NCKAP5: variants seen among roughly 807,000 people sequenced by gnomAD.
The protein encoded by NCKAP5 is NCK associated protein 5, also known as nck-associated protein 5.
In NCKAP5, 92 loss-of-function variants were observed where a neutral mutation model predicts 167.0. The ratio of observed to expected loss-of-function variants is 0.55; its 90% confidence interval spans 0.47 to 0.66. NCKAP5 has a LOEUF of 0.66. Among genes scored for constraint, NCKAP5 ranks in the 30% least tolerant of loss-of-function variants. The probability of loss-of-function intolerance (pLI) is 0.00; values close to 1 mark genes in which losing one functional copy is unlikely to be tolerated. For missense variants in NCKAP5, 2,378 were observed against 2,315.0 expected (o/e 1.03, Z -0.56); for synonymous variants, 891 against 877.4 (o/e 1.02, Z -0.27).
intron 6 of NCKAP5, among the ~76,000 whole-genome samples, chr2:133,004,826 G>A (rs1432018054): frequency 5.9e-5 from 9 of 152,196 alleles, no homozygotes; most frequent in South Asian, 4.2e-4. Flanking sequence ...ATCTTCAACC[G>A]CATAAGAGAG....
chr2:133,478,986 T>C (rs1475463375), intron 3 of NCKAP5, among the ~76,000 whole-genome samples: 1 of 152,126 alleles, frequency 6.6e-6, no homozygotes. Flanking sequence ...ATAAGTGAAA[T>C]ACCTAGATGT....
the NCKAP5 span, among the ~76,000 whole-genome samples, chr2:133,581,806 T>A: frequency 6.6e-6 from 1 of 152,240 alleles, no homozygotes; most frequent in Non-Finnish European, 1.5e-5. Flanking sequence ...CACTTTTCGT[T>A]GTAAGTATTG....
intron 8 of NCKAP5, among the ~76,000 whole-genome samples, chr2:132,935,715 G>A (rs1696791319): frequency 6.6e-6 from 1 of 152,142 alleles, no homozygotes; most frequent in Admixed American, 6.5e-5. Context: ...AGCAGATACA[G>A]GTGGTTGTTA....
intron 3 of NCKAP5, among the ~76,000 whole-genome samples, chr2:133,410,598 C>T (rs1009758913): frequency 1.3e-5 from 2 of 152,192 alleles, no homozygotes; most frequent in South Asian, 2.1e-4. Context: ...CTATGCAGCT[C>T]TGTGCTTCTC....
intron 6 of NCKAP5, among the ~76,000 whole-genome samples, chr2:133,017,667 T>C (rs879794767): frequency 1.3e-5 from 2 of 152,138 alleles, no homozygotes; most frequent in African/African-American, 2.4e-5. Flanking sequence ...TGTACATTCA[T>C]TCAATTGACA....
At chr2:133,579,533 G>A in the NCKAP5 span, among the ~76,000 whole-genome samples, 623 of 152,310 alleles carry the variant, frequency 4.1e-3, 6 homozygotes, top group African/African-American at 0.014. Flanking sequence ...TTGCAGGGCA[G>A]GAGGCCAGTT....
chr2:133,220,808 A>C (rs1417991619), intron 4 of NCKAP5, among the ~76,000 whole-genome samples: 1 of 152,144 alleles, frequency 6.6e-6, no homozygotes, highest in Non-Finnish European at 1.5e-5. Context: ...GTCCCAGGGC[A>C]TGCCTGTTGG....
chr2:133,498,906 C>T (rs1682222456), intron 3 of NCKAP5, among the ~76,000 whole-genome samples: 1 of 152,200 alleles, frequency 6.6e-6, no homozygotes, highest in Non-Finnish European at 1.5e-5. Context: ...TCCACAGATA[C>T]AATTGTTTTA....
intron 2 of NCKAP5, among the ~76,000 whole-genome samples, chr2:133,545,479 T>C (rs1452310739): frequency 6.6e-6 from 1 of 152,118 alleles, no homozygotes; most frequent in Non-Finnish European, 1.5e-5. Flanking sequence ...CCTCTAAAAA[T>C]ATGCATATTT....
intron 3 of NCKAP5, among the ~76,000 whole-genome samples, chr2:133,449,169 T>C (rs575094151): frequency 1.6e-4 from 24 of 152,192 alleles, no homozygotes; most frequent in Non-Finnish European, 3.4e-4. Context: ...CACTTTACAT[T>C]CCTGTTGCCT....
chr2:133,388,470 T>A (rs1687156825), intron 3 of NCKAP5, among the ~76,000 whole-genome samples: 1 of 152,216 alleles, frequency 6.6e-6, no homozygotes. Flanking sequence ...GCCTCCCAGA[T>A]AGGCTACTCG....
chr2:133,453,943 A>C (rs1691697254), intron 3 of NCKAP5, among the ~76,000 whole-genome samples: 2 of 152,062 alleles, frequency 1.3e-5, no homozygotes, highest in African/African-American at 2.4e-5. Flanking sequence ...CATGTTTGTC[A>C]CTTGCATGGT....
chr2:133,644,700 C>T, the NCKAP5 span, among the ~76,000 whole-genome samples: 2 of 152,062 alleles, frequency 1.3e-5, no homozygotes, highest in East Asian at 1.9e-4. Context: ...CATCTAGTCC[C>T]CTTGCCAATT....
chr2:133,533,608 G>A (rs956387352), intron 2 of NCKAP5, among the ~76,000 whole-genome samples: 3 of 152,158 alleles, frequency 2.0e-5, no homozygotes, highest in African/African-American at 7.2e-5. Context: ...TCACCTGCCT[G>A]TGCAAATGGA....
intron 3 of NCKAP5, among the ~76,000 whole-genome samples, chr2:133,475,416 A>G (rs2151296987): frequency 6.6e-6 from 1 of 152,338 alleles, no homozygotes; most frequent in South Asian, 2.1e-4. Context: ...ATGTGCTTCA[A>G]TTAAACCATC....
At chr2:132,876,522 G>T (rs1218123337) in intron 9 of NCKAP5, among the ~76,000 whole-genome samples, 3 of 152,164 alleles carry the variant, frequency 2.0e-5, no homozygotes, top group African/African-American at 7.2e-5. Context: ...ACCTTGAAAA[G>T]AATTTCCAGT....
Position 133,201,522 on chromosome 2 carries a change from C to T in NCKAP5, c.207+12194G>A, listed in dbSNP as rs562927566. On this transcript the variant is annotated intron_variant, in intron 5 of 19. Coordinates refer to ENST00000409261, the MANE Select transcript of NCKAP5 (RefSeq NM_207363.3). ...ACAGGCAAGACTGATACATATATTA[C>T]ATAAAGTATATCAATGATTGTTTAT... 2.6e-5 allele frequency among the ~76,000 whole-genome samples: 4 copies of T among 152,208 alleles called. No homozygotes were observed. The South Asian group carries it at 8.3e-4, about 32-fold the overall frequency.
chr2:133,477,117 T>G (rs1257680848), intron 3 of NCKAP5, among the ~76,000 whole-genome samples: 1 of 152,224 alleles, frequency 6.6e-6, no homozygotes, highest in African/African-American at 2.4e-5. Flanking sequence ...AAGGTTGGAT[T>G]AAACTATCCT....
intron 4 of NCKAP5, among the ~76,000 whole-genome samples, chr2:133,269,678 CG>C (rs2089420189): frequency 6.6e-6 from 1 of 152,116 alleles, no homozygotes; most frequent in Admixed American, 6.6e-5. Context: ...CAAATGACAG[CG>C]GAGGACACAA....
Sources: allele counts gnomAD v4.1 joint callset (sites outside exome capture counted in the v4.1 genomes callset), GRCh38; gene constraint gnomAD v4.1.1; transcripts MANE v1.5; gene names NCBI Gene and HGNC (gene_info 2026-07-23, HGNC 2026-07-21).